The following ESRRG variants were observed in gnomAD, a reference collection of about 807,000 sequenced individuals.
The protein encoded by ESRRG is estrogen related receptor gamma.
Under a neutral mutation model 44.0 loss-of-function variants are expected in ESRRG, and 13 were observed. That is an observed-to-expected ratio of 0.30 (90% CI 0.19 to 0.47). ESRRG has a LOEUF of 0.47. Ranked by LOEUF, ESRRG falls within the 20% of genes least tolerant of loss-of-function variation. The pLI, the probability that ESRRG is intolerant of heterozygous loss-of-function variation, is 1.00. For synonymous variants in ESRRG, 215 were observed against 214.6 expected (o/e 1.00, Z -0.02); for missense variants, 395 against 580.6 (o/e 0.68, Z 3.29).
chr1:216,655,493 G>T (rs1559051371), intron 2 of ESRRG, among the ~76,000 whole-genome samples: 1 of 152,112 alleles, frequency 6.6e-6, no homozygotes, highest in Non-Finnish European at 1.5e-5. Flanking sequence ...TGGGGTAAAG[G>T]ACTCTTCCCA....
intron 2 of ESRRG, among the ~76,000 whole-genome samples, chr1:216,855,467 G>T (rs776963788): frequency 1.8e-4 from 28 of 152,114 alleles, no homozygotes; most frequent in Non-Finnish European, 2.1e-4. Flanking sequence ...GATAAGAAAA[G>T]TTCAACTCTG....
At chr1:216,855,425 T>C (rs75886367) in intron 2 of ESRRG, among the ~76,000 whole-genome samples, 3 of 115,670 alleles carry the variant, frequency 2.6e-5, no homozygotes, top group Non-Finnish European at 6.6e-5. Flanking sequence ...AGAAAAAAAA[T>C]ATCTGTGGGT....
chr1:216,970,333 T>C (rs2071381258), intron 1 of ESRRG, among the ~76,000 whole-genome samples: 1 of 152,238 alleles, frequency 6.6e-6, no homozygotes, highest in African/African-American at 2.4e-5. Context: ...ATTTTCCCAT[T>C]AAAGCAGGAA....
intron 2 of ESRRG, among the ~76,000 whole-genome samples, chr1:216,787,074 T>C (rs2094150864): frequency 6.6e-6 from 1 of 152,128 alleles, no homozygotes; most frequent in Admixed American, 6.6e-5. Flanking sequence ...TGTCACATTT[T>C]TGTCATTCTC....
chr1:216,595,124 C>T (rs777211107), intron 3 of ESRRG, among the ~76,000 whole-genome samples: 3 of 152,116 alleles, frequency 2.0e-5, no homozygotes, highest in Non-Finnish European at 4.4e-5. Context: ...CTTTTCTAGA[C>T]AAATGTTTGA....
chr1:217,088,349 C>A (rs1020383818), intron 1 of ESRRG, among the ~76,000 whole-genome samples: 9 of 149,366 alleles, frequency 6.0e-5, no homozygotes, highest in African/African-American at 2.2e-4. Flanking sequence ...GTCATATGGA[C>A]CTAACAGCTT....
intron 3 of ESRRG, among the ~76,000 whole-genome samples, chr1:216,579,797 T>G (rs2062389260): frequency 6.6e-6 from 1 of 152,152 alleles, no homozygotes; most frequent in South Asian, 2.1e-4. Context: ...GAAGGCTAGA[T>G]GTTGAGAATG....
At chr1:216,968,038 C>G (rs1487268910) in intron 1 of ESRRG, among the ~76,000 whole-genome samples, 2 of 152,012 alleles carry the variant, frequency 1.3e-5, no homozygotes, top group Non-Finnish European at 2.9e-5. Context: ...TGTATTTCTT[C>G]TTTTGTAAGT....
At chr1:216,871,240 C>G (rs1311959615) in intron 2 of ESRRG, among the ~76,000 whole-genome samples, 1 of 151,932 alleles carries the variant, frequency 6.6e-6, no homozygotes, top group East Asian at 1.9e-4. Context: ...CATCTTTGAC[C>G]ATGGATTATT....
At chr1:217,038,969 C>T (rs1433330294) in intron 1 of ESRRG, among the ~76,000 whole-genome samples, 1 of 152,172 alleles carries the variant, frequency 6.6e-6, no homozygotes, top group African/African-American at 2.4e-5. Context: ...GCCAAATATC[C>T]TAAATGATCT....
At chr1:216,640,354 A>G (rs763788504) in intron 3 of ESRRG, among the ~76,000 whole-genome samples, 1 of 152,014 alleles carries the variant, frequency 6.6e-6, no homozygotes, top group Non-Finnish European at 1.5e-5. Flanking sequence ...CTCTCCACTG[A>G]GTGGCTTTTG....
At chr1:216,549,588 C>G (rs994184446) in intron 5 of ESRRG, among the ~76,000 whole-genome samples, 6 of 151,984 alleles carry the variant, frequency 3.9e-5, no homozygotes, top group African/African-American at 1.4e-4. Flanking sequence ...ATTATAACAT[C>G]TTATATCTAC....
chr1:217,053,018 C>A (rs912164990), intron 1 of ESRRG, among the ~76,000 whole-genome samples: 2 of 151,660 alleles, frequency 1.3e-5, no homozygotes, highest in Non-Finnish European at 2.9e-5. Context: ...AATTGCATAT[C>A]CTTTACCAGG....
chr1:216,656,935 A>G (rs2070757421), intron 2 of ESRRG, among the ~76,000 whole-genome samples: 2 of 152,174 alleles, frequency 1.3e-5, no homozygotes, highest in African/African-American at 4.8e-5. Context: ...ATTTAAAAAT[A>G]ATGGGATTTG....
intron 1 of ESRRG, among the ~76,000 whole-genome samples, chr1:217,096,825 C>G (rs2092431694): frequency 6.6e-6 from 1 of 151,926 alleles, no homozygotes; most frequent in African/African-American, 2.4e-5. Context: ...TTTTTTTATT[C>G]CTAGTGCCTA....
intron 1 of ESRRG, among the ~76,000 whole-genome samples, chr1:217,132,821 T>G (rs2092984381): frequency 6.6e-6 from 1 of 152,148 alleles, no homozygotes; most frequent in Non-Finnish European, 1.5e-5. Context: ...AATTCCTCTT[T>G]CTGCCATTTT....
intron 1 of ESRRG, among the ~76,000 whole-genome samples, chr1:216,998,000 G>T (rs2076578424): frequency 1.3e-5 from 2 of 152,100 alleles, no homozygotes; most frequent in South Asian, 4.1e-4. Flanking sequence ...TTTTAACTGT[G>T]AAAGATATTT....
At chr1:217,056,747 C>T (rs752752628) in intron 1 of ESRRG, among the ~76,000 whole-genome samples, 3 of 150,818 alleles carry the variant, frequency 2.0e-5, no homozygotes, top group African/African-American at 4.9e-5. Flanking sequence ...AAATCCCTGA[C>T]AACATTTAAA....
intron 1 of ESRRG, among the ~76,000 whole-genome samples, chr1:216,703,344 A>T (rs2081796803): frequency 6.6e-6 from 1 of 152,208 alleles, no homozygotes; most frequent in African/African-American, 2.4e-5. Flanking sequence ...ATGTTTTAAG[A>T]AAGTTTACTC....
Sources: gnomAD v4.1 joint callset for allele counts (sites outside exome capture counted in the v4.1 genomes callset) on GRCh38, gnomAD v4.1.1 for gene constraint, MANE v1.5 for transcripts, NCBI Gene and HGNC (gene_info 2026-07-23, HGNC 2026-07-21) for gene names.